The following TRAPPC9 variants were observed in gnomAD, a reference collection of about 807,000 sequenced individuals.
The protein encoded by TRAPPC9 is IKK2 binding protein.
A neutral mutation model predicts 124.0 loss-of-function variants in TRAPPC9; 83 were observed. The ratio of observed to expected loss-of-function variants is 0.67; its 90% CI spans 0.56 to 0.80. TRAPPC9 has a LOEUF of 0.80. TRAPPC9 is among the 30% of genes least tolerant of loss of function. The probability of loss-of-function intolerance (pLI) is 0.00; values close to 1 mark genes in which losing one functional copy is unlikely to be tolerated. For synonymous variants in TRAPPC9, 638 were observed against 617.5 expected, an observed-to-expected ratio of 1.03 and a Z score of -0.49; for missense variants, 1,302 against 1,508.3, an observed-to-expected ratio of 0.86 and a Z score of 2.27.
chr8:139,761,194 G>A (rs1047602178), intron 21 of TRAPPC9, among the ~76,000 whole-genome samples: 2 of 152,212 alleles, frequency 1.3e-5, no homozygotes, highest in Admixed American at 1.3e-4. Context: ...CAGGGGATGA[G>A]GTGCCTGTGC....
chr8:140,151,079 C>G (rs556532021), intron 17 of TRAPPC9, among the ~76,000 whole-genome samples: 2 of 152,236 alleles, frequency 1.3e-5, no homozygotes, highest in African/African-American at 4.8e-5. Context: ...TGCACCGGAA[C>G]AGAAATGGGG....
At chr8:140,365,250 G>A (rs1461127506) in intron 8 of TRAPPC9, among the ~76,000 whole-genome samples, 1 of 152,060 alleles carries the variant, frequency 6.6e-6, no homozygotes, top group Admixed American at 6.5e-5. Flanking sequence ...ATGAGAAAGT[G>A]GGCACACAGG....
chr8:140,410,797 T>C (rs1385683404), intron 5 of TRAPPC9, among the ~76,000 whole-genome samples: 1 of 151,154 alleles, frequency 6.6e-6, no homozygotes, highest in Admixed American at 6.6e-5. Flanking sequence ...GAGCTGAGAC[T>C]GTACCACTGC....
intron 15 of TRAPPC9, among the ~76,000 whole-genome samples, chr8:140,265,088 C>A (rs1249575720): frequency 6.6e-6 from 1 of 152,196 alleles, no homozygotes; most frequent in African/African-American, 2.4e-5. Context: ...AACAGCAACA[C>A]CCACGAAAGG....
chr8:140,034,091 A>T (rs1840727271), intron 17 of TRAPPC9, among the ~76,000 whole-genome samples: 1 of 152,164 alleles, frequency 6.6e-6, no homozygotes, highest in Admixed American at 6.5e-5. Flanking sequence ...CTAGGGAATC[A>T]TCAACTTTAC....
At chr8:139,886,942 T>C (rs962993626) in intron 20 of TRAPPC9, among the ~76,000 whole-genome samples, 1 of 152,156 alleles carries the variant, frequency 6.6e-6, no homozygotes, top group Admixed American at 6.5e-5. Flanking sequence ...AGGCTGAGCA[T>C]TGCGAGAGAG....
chr8:140,120,308 C>G (rs1167131530), intron 17 of TRAPPC9, among the ~76,000 whole-genome samples: 1 of 152,340 alleles, frequency 6.6e-6, no homozygotes, highest in East Asian at 1.9e-4. Flanking sequence ...CAGCACCAAG[C>G]TGAAATGATG....
rs147553122 is a variant in TRAPPC9 at position 140,169,752 on chromosome 8, C to T, written c.2556+51707G>A. On this transcript the variant is annotated intron_variant, in intron 17 of 22. Transcript: ENST00000438773. ...AATGCAGATTGGTGGTTTTCAGAGC[C>T]GGGGTCGGGAGGAGGAGGATCGGCT... 3.3e-4 allele frequency among the ~76,000 whole-genome samples: 50 copies of T among 152,190 alleles called. No homozygotes were observed. In the East Asian group the frequency reaches 8.9e-3, roughly 27 times the overall value.
intron 19 of TRAPPC9, among the ~76,000 whole-genome samples, chr8:139,940,896 G>A (rs111906492): frequency 0.013 from 2,018 of 152,334 alleles, 47 homozygotes; most frequent in African/African-American, 0.046. Flanking sequence ...GTGAAGGGGA[G>A]CTGGGGAAGG....
At chr8:140,212,842 A>T (rs1160952856) in intron 17 of TRAPPC9, among the ~76,000 whole-genome samples, 3 of 151,880 alleles carry the variant, frequency 2.0e-5, no homozygotes, top group African/African-American at 7.3e-5. Context: ...GCACTTTGGG[A>T]GGCCGAGGCA....
chr8:140,049,560 C>G (rs1358038406), intron 17 of TRAPPC9, among the ~76,000 whole-genome samples: 1 of 151,880 alleles, frequency 6.6e-6, no homozygotes, highest in Non-Finnish European at 1.5e-5. Context: ...CCCCCGAGAC[C>G]ACCAAATTAT....
At chr8:139,774,966 T>C (rs574779650) in intron 21 of TRAPPC9, among the ~76,000 whole-genome samples, 4 of 152,308 alleles carry the variant, frequency 2.6e-5, no homozygotes, top group Non-Finnish European at 5.9e-5. Flanking sequence ...GCCCGGATGG[T>C]ATCATGTCGC....
intron 17 of TRAPPC9, among the ~76,000 whole-genome samples, chr8:140,126,209 C>A (rs1469064321): frequency 6.6e-6 from 1 of 152,120 alleles, no homozygotes; most frequent in Admixed American, 6.5e-5. Flanking sequence ...GCTCTTAGCT[C>A]TTCTCCTGGC....
intron 17 of TRAPPC9, among the ~76,000 whole-genome samples, chr8:140,162,603 A>G (rs762274884): frequency 6.6e-6 from 1 of 152,242 alleles, no homozygotes; most frequent in Non-Finnish European, 1.5e-5. Context: ...GGAAGAGGGC[A>G]GACTCAAAAG....
chr8:140,195,605 A>C (rs2062633903), intron 17 of TRAPPC9, among the ~76,000 whole-genome samples: 2 of 151,944 alleles, frequency 1.3e-5, no homozygotes, highest in Admixed American at 1.3e-4. Flanking sequence ...ACACTAAAAC[A>C]CTCAGCAATC....
intron 21 of TRAPPC9, among the ~76,000 whole-genome samples, chr8:139,750,783 G>C (rs747398117): frequency 4.9e-4 from 75 of 152,216 alleles, no homozygotes; most frequent in Non-Finnish European, 6.5e-4. Context: ...CCCAGCCTAT[G>C]CTGGGATTCT....
At chr8:140,115,913 A>G (rs544089804) in intron 17 of TRAPPC9, among the ~76,000 whole-genome samples, 28 of 152,336 alleles carry the variant, frequency 1.8e-4, no homozygotes, top group Non-Finnish European at 4.0e-4. Flanking sequence ...GTGAACACCT[A>G]TAAGACCACC....
rs1384939009 is a variant in TRAPPC9 at position 140,013,796 on chromosome 8, A to T, written c.2699+10141T>A. 5.3e-5 allele frequency among the ~76,000 whole-genome samples: 8 copies of T among 152,304 alleles called. No individual in the cohort carries two copies. The East Asian group carries it at 1.2e-3, about 22-fold the overall frequency. Reference sequence around the variant, plus strand: ...TCAGGCACTGTTAATAATTTTTCAGACACTTTATAACACACAGTTTTACAA... The same window carrying T: ...TCAGGCACTGTTAATAATTTTTCAGTCACTTTATAACACACAGTTTTACAA... On this transcript the variant is annotated intron_variant, in intron 18 of 22. Transcript: ENST00000438773.
intron 17 of TRAPPC9, among the ~76,000 whole-genome samples, chr8:140,029,124 A>T (rs978715242): frequency 2.0e-5 from 3 of 152,244 alleles, no homozygotes; most frequent in Non-Finnish European, 4.4e-5. Flanking sequence ...CAACTTAGAT[A>T]AAATGGTCAC....
Sources: allele counts gnomAD v4.1 joint callset (sites outside exome capture counted in the v4.1 genomes callset), GRCh38; gene constraint gnomAD v4.1.1; transcripts MANE v1.5; gene names NCBI Gene and HGNC (gene_info 2026-07-23, HGNC 2026-07-21).